GRIK3: variants seen among roughly 807,000 people sequenced by gnomAD.
GRIK3 encodes the protein glutamate ionotropic receptor kainate type subunit 3.
A neutral mutation model predicts 102.5 loss-of-function variants in GRIK3; 29 were observed. The observed-to-expected ratio is 0.28, with a 90% confidence interval of 0.21 to 0.39. The LOEUF (loss-of-function observed/expected upper bound fraction) is 0.39, where lower values mean the gene tolerates loss of function less well. Ranked by LOEUF, GRIK3 falls within the 10% of genes least tolerant of loss-of-function variation. The pLI is 1.00. For synonymous variants in GRIK3, 511 were observed against 504.9 expected, an observed-to-expected ratio of 1.01 and a Z score of -0.16; for missense variants, 908 against 1,252.4, an observed-to-expected ratio of 0.73 and a Z score of 4.15.
intron 1 of GRIK3, among the ~76,000 whole-genome samples, chr1:36,898,712 A>T (rs540558514): frequency 1.5e-4 from 23 of 152,182 alleles, no homozygotes; most frequent in Non-Finnish European, 3.1e-4. Flanking sequence ...CCTAAAATTC[A>T]TATGGAATTG....
chr1:36,949,314 T>A (rs1188628763), intron 1 of GRIK3, among the ~76,000 whole-genome samples: 1 of 152,160 alleles, frequency 6.6e-6, no homozygotes, highest in African/African-American at 2.4e-5. Context: ...TGGCCTCCAG[T>A]CCCCCTACTG....
chr1:37,013,919 C>T (rs182441414), intron 1 of GRIK3, among the ~76,000 whole-genome samples: 73 of 152,354 alleles, frequency 4.8e-4, no homozygotes, highest in Admixed American at 2.5e-3. Context: ...CCACCCTCAT[C>T]GAATGCCTTG....
chr1:37,028,977 C>G (rs1437540790), intron 1 of GRIK3, among the ~76,000 whole-genome samples: 1 of 152,254 alleles, frequency 6.6e-6, no homozygotes, highest in Non-Finnish European at 1.5e-5. Flanking sequence ...AATAATTGCA[C>G]AATAAATTGG....
intron 1 of GRIK3, among the ~76,000 whole-genome samples, chr1:36,927,251 C>T (rs905874390): frequency 2.6e-5 from 4 of 152,138 alleles, no homozygotes; most frequent in Admixed American, 6.5e-5. Flanking sequence ...ATAAAGCCCA[C>T]GTTTCATTTT....
chr1:36,924,918 G>A (rs987188157), intron 1 of GRIK3, among the ~76,000 whole-genome samples: 3 of 151,784 alleles, frequency 2.0e-5, no homozygotes, highest in East Asian at 3.9e-4. Flanking sequence ...ACATGCACAC[G>A]AAAACCCACA....
At chr1:36,842,565 C>T (rs1258457784) in intron 9 of GRIK3, among the ~76,000 whole-genome samples, 1 of 152,202 alleles carries the variant, frequency 6.6e-6, no homozygotes, top group Non-Finnish European at 1.5e-5. Context: ...CAAGAACCTC[C>T]TCAGTCCCCT....
intron 1 of GRIK3, among the ~76,000 whole-genome samples, chr1:36,917,521 G>A (rs113013239): frequency 0.011 from 1,673 of 152,272 alleles, 25 homozygotes; most frequent in African/African-American, 0.038. Flanking sequence ...CCCACTGAGA[G>A]GTAATTGAAT....
rs1642433255 is a variant in GRIK3 at position 36,997,518 on chromosome 1, G to A, written c.115+36476C>T. Reference sequence around the variant, plus strand: ...CTATACTCCATGGCACTGGGCAGGGGGGCACGCGAGCTCTAGAGAGATGGA... The same window carrying A: ...CTATACTCCATGGCACTGGGCAGGGAGGCACGCGAGCTCTAGAGAGATGGA... On this transcript the variant is annotated intron_variant, in intron 1 of 15. Transcript: ENST00000373091. Among the ~76,000 whole-genome samples, 9 of 152,354 alleles carry A rather than the reference G, an allele frequency of 5.9e-5. No homozygotes were observed. In the South Asian group the frequency reaches 1.7e-3, roughly 28 times the overall value.
At chr1:36,967,457 T>C (rs147668613) in intron 1 of GRIK3, among the ~76,000 whole-genome samples, 1 of 152,186 alleles carries the variant, frequency 6.6e-6, no homozygotes, top group East Asian at 1.9e-4. Context: ...GCATGGGAAA[T>C]GAGGGAGCAA....
chr1:36,844,757 T>C (rs911782566), intron 9 of GRIK3, among the ~76,000 whole-genome samples: 2 of 152,204 alleles, frequency 1.3e-5, no homozygotes, highest in Admixed American at 6.5e-5. Flanking sequence ...TTATTATTAT[T>C]AATCATTATC....
chr1:36,885,204 T>C (rs480495), intron 2 of GRIK3, among the ~76,000 whole-genome samples: 143,842 of 152,228 alleles, frequency 0.94, 68,031 homozygotes, highest in East Asian at 0.99. Flanking sequence ...ATAAATGTGT[T>C]GGTGCCTTCA....
At chr1:37,016,563 A>C (rs1289082609) in intron 1 of GRIK3, among the ~76,000 whole-genome samples, 3 of 152,162 alleles carry the variant, frequency 2.0e-5, no homozygotes, top group African/African-American at 7.2e-5. Flanking sequence ...ATTTGAAAAA[A>C]TTGGCCCTCC....
chr1:36,874,219 C>T (rs1424291667), intron 3 of GRIK3, among the ~76,000 whole-genome samples: 2 of 152,322 alleles, frequency 1.3e-5, no homozygotes, highest in Admixed American at 6.5e-5. Flanking sequence ...TGGTACACAC[C>T]CCTGAGTCTG....
At chr1:36,974,920 C>T (rs1642179990) in intron 1 of GRIK3, among the ~76,000 whole-genome samples, 1 of 152,104 alleles carries the variant, frequency 6.6e-6, no homozygotes, top group Admixed American at 6.6e-5. Flanking sequence ...GTATTTATTC[C>T]ACCTATATGA....
rs1642640338 is a variant in GRIK3 at position 36,817,054 on chromosome 1, C to T, written c.2091+6G>A. 1 of 1,600,042 alleles carries T rather than the reference C, an allele frequency of 6.2e-7. No homozygotes were observed. ...CGGTGCTGCAATAGGAGGGAGAGGG[C>T]CTCACCTTGAAGAAGGTCATGGTGG... On this transcript the variant is annotated splice_donor_region_variant and intron_variant, in intron 13 of 15. Transcript: ENST00000373091.
intron 10 of GRIK3, among the ~76,000 whole-genome samples, chr1:36,827,691 G>A (rs1642769526): frequency 6.6e-6 from 1 of 152,132 alleles, no homozygotes; most frequent in South Asian, 2.1e-4. Flanking sequence ...TCTTAGAACA[G>A]GAACTAGCAA....
chr1:37,003,719 C>T (rs960169488), intron 1 of GRIK3, among the ~76,000 whole-genome samples: 4 of 152,160 alleles, frequency 2.6e-5, no homozygotes, highest in Non-Finnish European at 4.4e-5. Context: ...CTTTGGTCCC[C>T]AAGACAGCCC....
At chr1:36,985,096 C>A (rs1642290320) in intron 1 of GRIK3, among the ~76,000 whole-genome samples, 1 of 152,054 alleles carries the variant, frequency 6.6e-6, no homozygotes, top group South Asian at 2.1e-4. Context: ...GGTGGGGGTC[C>A]AGGCATGCGG....
chr1:37,021,907 AC>A (rs1343933746), intron 1 of GRIK3, among the ~76,000 whole-genome samples: 10 of 152,204 alleles, frequency 6.6e-5, no homozygotes, highest in Non-Finnish European at 1.5e-4. Context: ...AAGGAAAGTC[AC>A]TACTCACTCA....
Sources: gnomAD v4.1 joint callset for allele counts (sites outside exome capture counted in the v4.1 genomes callset) on GRCh38, gnomAD v4.1.1 for gene constraint, MANE v1.5 for transcripts, NCBI Gene and HGNC (gene_info 2026-07-23, HGNC 2026-07-21) for gene names.